RNF17: variants seen among roughly 807,000 people sequenced by gnomAD.
The protein encoded by RNF17 is ring finger protein 17, also known as spermatogenesis associated 23.
A neutral mutation model predicts 200.5 loss-of-function variants in RNF17; 31 were observed. The ratio of observed to expected loss-of-function variants is 0.15; its 90% CI spans 0.12 to 0.21. The LOEUF (loss-of-function observed/expected upper bound fraction) is 0.21. RNF17 is among the 10% of genes least tolerant of loss of function. RNF17 has a pLI of 1.00. For synonymous variants in RNF17, 606 were observed against 637.8 expected (o/e 0.95, Z 0.75); for missense variants, 1,628 against 1,905.1 (o/e 0.85, Z 2.71).
At chr13:24,764,475 G>A in intron 1 of RNF17, 142 bp downstream of exon 1, 2 of 1,229,656 alleles carry the variant, frequency 1.6e-6, no homozygotes, top group Non-Finnish European at 2.2e-6. Flanking sequence ...CCTCCCGCGA[G>A]CTGCACCCGA....
chr13:24,887,192 C>G, the RNF17 span, among the ~76,000 whole-genome samples: 7 of 152,108 alleles, frequency 4.6e-5, no homozygotes, highest in African/African-American at 1.7e-4. Context: ...TTAGGTTCAT[C>G]AAAAGATACT....
At chr13:24,871,396 G>A (rs1047117339) in intron 32 of RNF17, among the ~76,000 whole-genome samples, 16 of 152,148 alleles carry the variant, frequency 1.1e-4, no homozygotes, top group African/African-American at 3.9e-4. Flanking sequence ...GGAGTGCAGT[G>A]ACGTGATCTC....
Position 24,864,994 on chromosome 13 carries a change from A to C in RNF17, c.4097A>C (p.Lys1366Thr). The part of the protein sequence containing the change: ...CTSEHTEEML[K>T]EKPRSDHDKK... ...TCTGAACATACTGAGGAGATGTTGA[A>C]AGAAGTAAGTGCACTATTTTTCTAT... Residue 1366 changes from lysine (K) to threonine (T), a missense_variant, in exon 29 of 36, where the codon AAA becomes ACA. By Grantham distance (78) the Lys-to-Thr change is moderately conservative. Transcript: ENST00000255324. 1 of 1,550,024 alleles carries C rather than the reference A, an allele frequency of 6.5e-7. No homozygotes were observed.
intron 22 of RNF17, among the ~76,000 whole-genome samples, 196 bp from the exon 23 acceptor site, chr13:24,850,145 A>C (rs1275509591): frequency 6.6e-6 from 1 of 152,234 alleles, no homozygotes; most frequent in East Asian, 1.9e-4. Context: ...TCAGTAAAAT[A>C]GAGGGATGAA....
rs573735716 is a variant in RNF17 at position 24,825,523 on chromosome 13, A to G, written c.2092-96A>G. The stretch of plus-strand genomic sequence containing the variant: ...AGATTTACATTCAATTCAAGTTTTA[A>G]TGTTTCATAATTTCAATGACAGTGC... On this transcript the variant is annotated intron_variant, in intron 15 of 35. Coordinates refer to ENST00000255324, the MANE Select transcript of RNF17 (RefSeq NM_031277.3). The G allele has an allele frequency of 1.1e-5, 9 of 824,324 alleles. No homozygotes were observed. The African/African-American group carries it at 1.5e-4, about 14-fold the overall frequency. The allele number at this position is 824,324 out of a possible 1,614,324, so 51.1% of individuals were successfully genotyped here.
At chr13:24,748,315 A>G in the RNF17 span, among the ~76,000 whole-genome samples, 23,400 of 152,206 alleles carry the variant, frequency 0.15, 2,091 homozygotes, top group Non-Finnish European at 0.2. Flanking sequence ...TTAAGCCTTC[A>G]TTTGATTTAC....
At chr13:24,868,812 AT>A in intron 31 of RNF17, 96 bp downstream of exon 31, 2 of 730,992 alleles carry the variant, frequency 2.7e-6, no homozygotes, top group Non-Finnish European at 4.8e-6. Flanking sequence ...TATTTTCCTG[AT>A]TTCAAATGTT....
chr13:24,821,918 C>G (rs1415829910), intron 15 of RNF17, among the ~76,000 whole-genome samples: 1 of 152,090 alleles, frequency 6.6e-6, no homozygotes, highest in Non-Finnish European at 1.5e-5. Flanking sequence ...AGGACACGGA[C>G]ACACATGAGG....
rs976850893 is a variant in RNF17, at chr13:24,796,127, T to C, written c.1241-10T>C. ...TGGTTTATTAATGTGACTTAAACAT[T>C]TTTATCCAGGTTCTGCAGAGCTAGT... On this transcript the variant is annotated splice_polypyrimidine_tract_variant and intron_variant, in intron 10 of 35. Transcript: ENST00000255324. 23 of 1,592,574 alleles carry C rather than the reference T, an allele frequency of 1.4e-5. No homozygotes were observed. Among genetic ancestry groups the C allele is most frequent in the Non-Finnish European group, 2.0e-5 (23 of 1,169,166 alleles).
intron 29 of RNF17, among the ~76,000 whole-genome samples, chr13:24,865,389 C>G (rs530356144): frequency 6.6e-6 from 1 of 152,242 alleles, no homozygotes; most frequent in African/African-American, 2.4e-5. Context: ...AAATTTCTCT[C>G]ATTTGCCTTC....
chr13:24,857,726 C>A (rs2138280867), intron 25 of RNF17, among the ~76,000 whole-genome samples: 1 of 152,154 alleles, frequency 6.6e-6, no homozygotes, highest in Non-Finnish European at 1.5e-5. Context: ...TGGTGAGACC[C>A]CATCGCTACA....
chr13:24,881,498 TC>T (rs1162166528), downstream of RNF17, among the ~76,000 whole-genome samples: 1 of 151,976 alleles, frequency 6.6e-6, no homozygotes, highest in Non-Finnish European at 1.5e-5. Context: ...TCCTTACCTC[TC>T]CTGAGATATC....
intron 15 of RNF17, among the ~76,000 whole-genome samples, chr13:24,805,780 C>T (rs897512354): frequency 1.3e-5 from 2 of 152,114 alleles, no homozygotes; most frequent in Non-Finnish European, 2.9e-5. Context: ...AACTGCCGAA[C>T]TGTTTTCTAC....
At chr13:24,860,723 A>G (rs1566239245) in intron 26 of RNF17, among the ~76,000 whole-genome samples, 1 of 152,328 alleles carries the variant, frequency 6.6e-6, no homozygotes, top group South Asian at 2.1e-4. Flanking sequence ...TGTAAATCCA[A>G]TAAAACCCAG....
chr13:24,823,730 A>G lies in RNF17; in HGVS notation c.2092-1889A>G, dbSNP rs373007162. Among the ~76,000 whole-genome samples, 10 of 152,292 alleles carry G rather than the reference A, an allele frequency of 6.6e-5. No individual in the cohort carries two copies. The East Asian group carries it at 1.9e-3, about 29-fold the overall frequency. On this transcript the variant is annotated intron_variant, in intron 15 of 35. Coordinates refer to ENST00000255324, the MANE Select transcript of RNF17 (RefSeq NM_031277.3). ...TGTGGCTTTGTAAACTCTACCATAT[A>G]TATGACTGCTTTTGAATGTCCTAAT... is the stretch of plus-strand genomic sequence containing the variant.
At chr13:24,881,962 C>CTAGA (rs376432592), downstream of RNF17, among the ~76,000 whole-genome samples, 309 of 4,268 alleles carry the variant, frequency 0.072, 114 homozygotes, top group Non-Finnish European at 0.11. Context: ...ATAGATACAT[C>CTAGA]TAGATATATA....
At chr13:24,851,987 A>G (rs1228806448) in intron 24 of RNF17, among the ~76,000 whole-genome samples, 1 of 152,196 alleles carries the variant, frequency 6.6e-6, no homozygotes, top group Non-Finnish European at 1.5e-5. Flanking sequence ...ATGTATTTAT[A>G]TGAAACAGGA....
Position 24,802,577 on chromosome 13 carries a change from TA to T in RNF17, c.1949+8del, listed in dbSNP as rs1566153769. 6.3e-7 allele frequency: 1 copy of T among 1,589,558 alleles called. No homozygotes were observed. Among genetic ancestry groups the T allele is most frequent in the African/African-American group, 1.4e-5 (1 of 73,628 alleles). On this transcript the variant is annotated splice_region_variant and intron_variant, in intron 14 of 35. Transcript: ENST00000255324. ...GTTTTTATGGAACTAGCAAAGTAAGTAACTTATTAAAACTTAAATATTCTTT... is the reference window on the plus strand; with the variant it reads ...GTTTTTATGGAACTAGCAAAGTAAGTACTTATTAAAACTTAAATATTCTTT...
At chr13:24,884,248 G>A (rs1370630755), downstream of RNF17, 3 of 1,614,110 alleles carry the variant, frequency 1.9e-6, no homozygotes, top group South Asian at 3.3e-5. Flanking sequence ...TAGTAGATCT[G>A]TAAAGACACA....
Sources: allele counts gnomAD v4.1 joint callset (sites outside exome capture counted in the v4.1 genomes callset), GRCh38; gene constraint gnomAD v4.1.1; transcripts MANE v1.5; gene names NCBI Gene and HGNC (gene_info 2026-07-23, HGNC 2026-07-21).